Variants in DSCAML1 observed in about 807,000 individuals in gnomAD.
DSCAML1 encodes cell adhesion molecule DSCAML1.
In DSCAML1, 38 loss-of-function variants were observed where a neutral mutation model predicts 200.5. The ratio of observed to expected loss-of-function variants is 0.19; its 90% confidence interval spans 0.15 to 0.25. The LOEUF (loss-of-function observed/expected upper bound fraction) is 0.25. Among genes scored for constraint, DSCAML1 ranks in the 10% least tolerant of loss-of-function variants. The pLI, the probability that DSCAML1 is intolerant of heterozygous loss-of-function variation, is 1.00. For synonymous variants in DSCAML1, 1,215 were observed against 1,165.0 expected (o/e 1.04, Z -0.87); for missense variants, 2,223 against 2,858.8 (o/e 0.78, Z 5.07).
intron 3 of DSCAML1, among the ~76,000 whole-genome samples, chr11:117,623,745 A>G (rs2051987491): frequency 6.6e-6 from 1 of 152,204 alleles, no homozygotes. Flanking sequence ...GGCCCCTGCT[A>G]TATAGCAAAT....
At chr11:117,694,815 T>A (rs1160034361) in intron 3 of DSCAML1, among the ~76,000 whole-genome samples, 2 of 152,238 alleles carry the variant, frequency 1.3e-5, no homozygotes, top group Non-Finnish European at 2.9e-5. Context: ...CAGATATGAA[T>A]GTATGATTTC....
intron 3 of DSCAML1, among the ~76,000 whole-genome samples, chr11:117,666,763 G>C (rs928412337): frequency 6.6e-6 from 1 of 152,164 alleles, no homozygotes; most frequent in Non-Finnish European, 1.5e-5. Context: ...TACCTCAGAG[G>C]GCTATAAGCC....
intron 3 of DSCAML1, among the ~76,000 whole-genome samples, chr11:117,694,057 T>TTATATATATATATATATATA (rs35313833): frequency 6.5e-4 from 76 of 116,608 alleles, no homozygotes; most frequent in East Asian, 1.0e-3. Flanking sequence ...GGTTCTATCT[T>TTATATATATATATATATATA]TATATATATA....
At chr11:117,433,365 C>T in intron 28 of DSCAML1, 76 bp downstream of exon 28, 1 of 1,590,478 alleles carries the variant, frequency 6.3e-7, no homozygotes, top group Admixed American at 1.8e-5. Context: ...TCTGGGAGTT[C>T]AGAGCGAGGC....
chr11:117,452,099 G>A (rs2048294732), intron 19 of DSCAML1, among the ~76,000 whole-genome samples: 1 of 152,156 alleles, frequency 6.6e-6, no homozygotes, highest in Admixed American at 6.5e-5. Flanking sequence ...TGTCTCTGCA[G>A]CTGTGGGGTA....
intron 14 of DSCAML1, among the ~76,000 whole-genome samples, chr11:117,476,098 G>C (rs1056562805): frequency 2.6e-5 from 4 of 152,270 alleles, no homozygotes; most frequent in Admixed American, 6.5e-5. Context: ...GGCTTACCCA[G>C]ATTAACATAT....
intron 3 of DSCAML1, among the ~76,000 whole-genome samples, chr11:117,760,248 T>C (rs1415639298): frequency 6.6e-6 from 1 of 152,234 alleles, no homozygotes; most frequent in Admixed American, 6.5e-5. Context: ...TTTGGCATAT[T>C]TTCTTCAGAT....
chr11:117,666,779 C>T (rs1409096288), intron 3 of DSCAML1, among the ~76,000 whole-genome samples: 1 of 152,208 alleles, frequency 6.6e-6, no homozygotes. Flanking sequence ...AAGCCTTGAT[C>T]TCTTCTTCTG....
At chr11:117,512,204 C>G (rs1380652691) in intron 8 of DSCAML1, among the ~76,000 whole-genome samples, 1 of 152,216 alleles carries the variant, frequency 6.6e-6, no homozygotes, top group Non-Finnish European at 1.5e-5. Flanking sequence ...TTCTAGCTCT[C>G]TGCTCTGAAC....
intron 6 of DSCAML1, among the ~76,000 whole-genome samples, chr11:117,519,265 C>T (rs1248914901): frequency 6.6e-6 from 1 of 152,176 alleles, no homozygotes; most frequent in Non-Finnish European, 1.5e-5. Context: ...TTCCAGTTCC[C>T]TCTGCGTGGG....
At chr11:117,803,350 TA>T (rs1247382866) in intron 1 of DSCAML1, among the ~76,000 whole-genome samples, 2 of 152,162 alleles carry the variant, frequency 1.3e-5, no homozygotes, top group Non-Finnish European at 2.9e-5. Flanking sequence ...AGAAGTAACG[TA>T]AAAAAATTTT....
chr11:117,731,276 C>T (rs1020669007), intron 3 of DSCAML1, among the ~76,000 whole-genome samples: 6 of 152,150 alleles, frequency 3.9e-5, no homozygotes, highest in East Asian at 1.9e-4. Context: ...TAGAAAGAAC[C>T]GCAGCCCTCT....
chr11:117,470,642 C>T (rs1430423224), intron 15 of DSCAML1, among the ~76,000 whole-genome samples: 2 of 152,048 alleles, frequency 1.3e-5, no homozygotes, highest in African/African-American at 2.4e-5. Flanking sequence ...TGCTTATATC[C>T]CCTAGAGAAA....
intron 3 of DSCAML1, among the ~76,000 whole-genome samples, chr11:117,710,873 A>G (rs2137768327): frequency 6.6e-6 from 1 of 152,320 alleles, no homozygotes; most frequent in Non-Finnish European, 1.5e-5. Context: ...ACTCGAAAAG[A>G]AAGAGCACAT....
chr11:117,540,272 C>A lies in DSCAML1; in HGVS notation c.512-7750G>T, dbSNP rs1415468741. Among the ~76,000 whole-genome samples the A allele has an allele frequency of 5.3e-5, 8 of 152,314 alleles. 1 individual carries two copies. In the Middle Eastern group the frequency reaches 0.01, roughly 194 times the overall value. On this transcript the variant is annotated intron_variant, in intron 3 of 32. Transcript: ENST00000651296. ...GCATTTCCTCCTGTCAGATCAGCAG[C>A]AGCATTAGATTCTCACAGGAGTGCG... is the stretch of plus-strand genomic sequence containing the variant.
chr11:117,471,568 G>A (rs56756594), intron 15 of DSCAML1, among the ~76,000 whole-genome samples: 1 of 152,192 alleles, frequency 6.6e-6, no homozygotes, highest in African/African-American at 2.4e-5. Context: ...GAGGGTCATA[G>A]AAAATGATCC....
At chr11:117,493,624 C>CT (rs2049233050) in intron 11 of DSCAML1, among the ~76,000 whole-genome samples, 1 of 151,626 alleles carries the variant, frequency 6.6e-6, no homozygotes, top group Middle Eastern at 3.2e-3. Flanking sequence ...TGGTCCTCTA[C>CT]TTTTTATTTA....
intron 19 of DSCAML1, among the ~76,000 whole-genome samples, chr11:117,451,281 G>T (rs1211249958): frequency 2.6e-5 from 4 of 152,182 alleles, no homozygotes; most frequent in Non-Finnish European, 1.5e-5. Context: ...CTCTGGGCCT[G>T]TCTCTCCTAA....
chr11:117,707,897 T>C (rs993668628), intron 3 of DSCAML1, among the ~76,000 whole-genome samples: 23 of 152,226 alleles, frequency 1.5e-4, no homozygotes, highest in African/African-American at 4.1e-4. Context: ...AGCAATCTCA[T>C]AAGGTCCTTG....
Sources: gnomAD v4.1 joint callset for allele counts (sites outside exome capture counted in the v4.1 genomes callset) on GRCh38, gnomAD v4.1.1 for gene constraint, MANE v1.5 for transcripts, NCBI Gene and HGNC (gene_info 2026-07-23, HGNC 2026-07-21) for gene names.